RELN: variants seen among roughly 807,000 people sequenced by gnomAD.
RELN encodes reelin.
Under a neutral mutation model 427.6 loss-of-function variants are expected in RELN, and 108 were observed. The ratio of observed to expected loss-of-function variants is 0.25; its 90% CI spans 0.22 to 0.30. RELN has a LOEUF of 0.30. Among genes scored for constraint, RELN ranks in the 10% least tolerant of loss-of-function variants. RELN has a pLI of 1.00. For missense variants in RELN, 3,715 were observed against 4,302.8 expected (o/e 0.86, Z 3.82); for synonymous variants, 1,524 against 1,513.4 (o/e 1.01, Z -0.16).
intron 64 of RELN, among the ~76,000 whole-genome samples, chr7:103,476,515 A>C (rs1828039075): frequency 6.6e-6 from 1 of 152,058 alleles, no homozygotes; most frequent in Non-Finnish European, 1.5e-5. Flanking sequence ...AAAAAACCAC[A>C]CTATCAAAGC....
chr7:103,520,755 T>A (rs1829680827), intron 48 of RELN, among the ~76,000 whole-genome samples: 1 of 152,126 alleles, frequency 6.6e-6, no homozygotes, highest in African/African-American at 2.4e-5. Flanking sequence ...TGTGAAAAAC[T>A]CACTTTTAGT....
intron 3 of RELN, among the ~76,000 whole-genome samples, chr7:103,777,177 G>A (rs1020067017): frequency 1.3e-5 from 2 of 152,078 alleles, no homozygotes; most frequent in Admixed American, 6.6e-5. Context: ...TGAAGGAGAT[G>A]TATATCTTTT....
chr7:103,583,239 T>C (rs1351460186), intron 28 of RELN, among the ~76,000 whole-genome samples: 4 of 152,216 alleles, frequency 2.6e-5, no homozygotes, highest in Non-Finnish European at 4.4e-5. Context: ...GACTGAGCCA[T>C]GCTACTGACA....
intron 22 of RELN, among the ~76,000 whole-genome samples, chr7:103,605,901 T>C (rs1831807414): frequency 6.6e-6 from 1 of 152,176 alleles, no homozygotes. Context: ...ACGCATCCAG[T>C]AGACACAGGG....
rs5886261 is a variant in RELN at position 103,565,977 on chromosome 7, A to AT, written c.4936+246dup. On this transcript the variant is annotated intron_variant, in intron 33 of 64. Coordinates refer to ENST00000428762, the MANE Select transcript of RELN (RefSeq NM_005045.4). ...GAAACATAGGAATGTCCTCTCATAG[A>AT]TTTTTTTGCTCTTCTAAGAAACCTT... is the stretch of plus-strand genomic sequence containing the variant. Among the ~76,000 whole-genome samples the AT allele has an allele frequency of 0.99, 151,217 of 152,042 alleles. 75,199 individuals carry two copies. Among genetic ancestry groups the AT allele is most frequent in the Middle Eastern group, 1 (294 of 294 alleles).
intron 63 of RELN, among the ~76,000 whole-genome samples, chr7:103,480,708 T>C (rs1828203374): frequency 6.6e-6 from 1 of 152,224 alleles, no homozygotes; most frequent in Non-Finnish European, 1.5e-5. Flanking sequence ...GCATTTGCTT[T>C]TGAAATTATA....
chr7:103,668,185 G>A (rs751306994), intron 11 of RELN, among the ~76,000 whole-genome samples: 12 of 152,128 alleles, frequency 7.9e-5, no homozygotes, highest in Non-Finnish European at 1.6e-4. Context: ...AGCTGAGATT[G>A]CACCACTGCA....
intron 20 of RELN, among the ~76,000 whole-genome samples, chr7:103,619,869 T>A (rs1159805863): frequency 6.6e-6 from 1 of 151,968 alleles, no homozygotes; most frequent in Non-Finnish European, 1.5e-5. Flanking sequence ...TGTGTGTATA[T>A]GTGTGTTTGT....
chr7:103,847,537 C>T lies in RELN; in HGVS notation c.338-13865G>A, dbSNP rs185925959. 8.7e-4 allele frequency among the ~76,000 whole-genome samples: 132 copies of T among 152,232 alleles called. 1 individual carries two copies. In the East Asian group the frequency reaches 0.023, roughly 26 times the overall value. On this transcript the variant is annotated intron_variant, in intron 2 of 64. Transcript: ENST00000428762. ...CTATGTAACAAACCTGCATGTCCTGCACATGTACCCCATAACTTAAAGTAT... is the reference window on the plus strand; with the variant it reads ...CTATGTAACAAACCTGCATGTCCTGTACATGTACCCCATAACTTAAAGTAT...
At chr7:103,936,739 GACAGACACACAC>G (rs1272189643) in intron 1 of RELN, among the ~76,000 whole-genome samples, 2 of 92,160 alleles carry the variant, frequency 2.2e-5, no homozygotes, top group African/African-American at 9.0e-5. Flanking sequence ...CAGACAGACA[GACAGACACACAC>G]ACACACACAC....
Position 103,974,106 on chromosome 7 carries a change from G to A in RELN, c.226+15025C>T, listed in dbSNP as rs577190969. ...TGAGGTGAGCCGAGACGGTGCCACT[G>A]CACTCCAGCCTGGGCAAGAGAGCAA... On this transcript the variant is annotated intron_variant, in intron 1 of 64. Coordinates refer to ENST00000428762, the MANE Select transcript of RELN (RefSeq NM_005045.4). 1.7e-4 allele frequency among the ~76,000 whole-genome samples: 26 copies of A among 152,328 alleles called. No individual in the cohort carries two copies. The East Asian group carries it at 4.6e-3, about 27-fold the overall frequency.
At chr7:103,600,390 CTG>C (rs1584332209) in intron 24 of RELN, among the ~76,000 whole-genome samples, 1 of 152,308 alleles carries the variant, frequency 6.6e-6, no homozygotes, top group South Asian at 2.1e-4. Flanking sequence ...TCCCAGGACA[CTG>C]TGACTGGCCG....
At chr7:103,964,804 A>T (rs990219215) in intron 1 of RELN, among the ~76,000 whole-genome samples, 1 of 152,240 alleles carries the variant, frequency 6.6e-6, no homozygotes, top group Admixed American at 6.5e-5. Context: ...CTGGAAGAGT[A>T]CTGTTGAGTG....
intron 6 of RELN, among the ~76,000 whole-genome samples, chr7:103,742,396 AC>A (rs1240809953): frequency 1.1e-4 from 16 of 152,244 alleles, no homozygotes; most frequent in Admixed American, 3.3e-4. Context: ...CTCACCAGTA[AC>A]GGAACAAAAC....
intron 1 of RELN, among the ~76,000 whole-genome samples, chr7:103,958,222 T>A (rs748708493): frequency 4.0e-4 from 61 of 152,294 alleles, no homozygotes; most frequent in East Asian, 2.3e-3. Flanking sequence ...CCTGGCAACA[T>A]ATGGAGTGCA....
At chr7:103,616,907 G>C (rs1361219406) in intron 20 of RELN, among the ~76,000 whole-genome samples, 1 of 151,920 alleles carries the variant, frequency 6.6e-6, no homozygotes, top group Admixed American at 6.6e-5. Flanking sequence ...ATTTTCTTGG[G>C]ATAAATTCCC....
chr7:103,915,185 G>C lies in RELN; in HGVS notation c.337+1890C>G, dbSNP rs549828744. Among the ~76,000 whole-genome samples the C allele has an allele frequency of 1.6e-4, 24 of 152,084 alleles. No individual in the cohort carries two copies. The South Asian group carries it at 4.0e-3, about 25-fold the overall frequency. On this transcript the variant is annotated intron_variant, in intron 2 of 64. Coordinates refer to ENST00000428762, the MANE Select transcript of RELN (RefSeq NM_005045.4). ...TGCTGTTCTTTCCTTTGGGTATGCT[G>C]TGCCCCACCATCCACAGACCTTTAG...
At chr7:103,894,182 T>C (rs1183912853) in intron 2 of RELN, among the ~76,000 whole-genome samples, 1 of 152,170 alleles carries the variant, frequency 6.6e-6, no homozygotes, top group Non-Finnish European at 1.5e-5. Flanking sequence ...AACCAGAGTT[T>C]TACCACATGT....
intron 3 of RELN, among the ~76,000 whole-genome samples, chr7:103,827,674 G>A (rs898647082): frequency 1.1e-4 from 16 of 151,936 alleles, no homozygotes; most frequent in African/African-American, 3.6e-4. Context: ...AGAACTATCA[G>A]TTAGGCTCCT....
Sources: gnomAD v4.1 joint callset for allele counts (sites outside exome capture counted in the v4.1 genomes callset) on GRCh38, gnomAD v4.1.1 for gene constraint, MANE v1.5 for transcripts, NCBI Gene and HGNC (gene_info 2026-07-23, HGNC 2026-07-21) for gene names.